DSCAM: variants seen among roughly 807,000 people sequenced by gnomAD.
DSCAM encodes cell adhesion molecule DSCAM.
Under a neutral mutation model 217.7 loss-of-function variants are expected in DSCAM, and 47 were observed. The ratio of observed to expected loss-of-function variants is 0.22; its 90% confidence interval spans 0.17 to 0.28. The LOEUF is 0.28. DSCAM is among the 10% of genes least tolerant of loss of function. The probability of loss-of-function intolerance (pLI) is 1.00; values close to 1 mark genes in which losing one functional copy is unlikely to be tolerated. For synonymous variants in DSCAM, 1,056 were observed against 1,015.3 expected, an observed-to-expected ratio of 1.04 and a Z score of -0.76; for missense variants, 2,080 against 2,618.3, an observed-to-expected ratio of 0.79 and a Z score of 4.49.
chr21:40,493,505 A>G (rs1287084188), intron 3 of DSCAM, among the ~76,000 whole-genome samples: 3 of 152,222 alleles, frequency 2.0e-5, no homozygotes, highest in Non-Finnish European at 2.9e-5. Context: ...ATTAAAAATA[A>G]TATTAGCTAC....
chr21:40,567,379 G>C (rs994867699), intron 3 of DSCAM, among the ~76,000 whole-genome samples: 5 of 152,208 alleles, frequency 3.3e-5, no homozygotes, highest in African/African-American at 1.2e-4. Flanking sequence ...GCCTGGTTTA[G>C]TGCTCAGGAC....
intron 32 of DSCAM, among the ~76,000 whole-genome samples, chr21:40,017,210 T>A (rs1262566583): frequency 6.6e-6 from 1 of 152,172 alleles, no homozygotes; most frequent in Admixed American, 6.5e-5. Context: ...TTTCAAAATG[T>A]TATTACCCGT....
intron 11 of DSCAM, among the ~76,000 whole-genome samples, chr21:40,271,719 A>T (rs1002626183): frequency 6.6e-6 from 1 of 152,180 alleles, no homozygotes; most frequent in Non-Finnish European, 1.5e-5. Flanking sequence ...TTTGCCCACA[A>T]GGAAATTCCT....
intron 17 of DSCAM, among the ~76,000 whole-genome samples, chr21:40,143,798 A>T (rs1175763283): frequency 1.3e-5 from 2 of 152,228 alleles, no homozygotes; most frequent in Non-Finnish European, 2.9e-5. Context: ...CTCAAAAAAA[A>T]ATCTATGATC....
chr21:40,669,985 C>A (rs1230265327), intron 3 of DSCAM, among the ~76,000 whole-genome samples: 3 of 151,432 alleles, frequency 2.0e-5, no homozygotes, highest in Non-Finnish European at 4.4e-5. Flanking sequence ...TCACACACAT[C>A]CTTTAAAAAA....
intron 20 of DSCAM, among the ~76,000 whole-genome samples, chr21:40,112,457 G>T (rs965616877): frequency 4.6e-5 from 7 of 152,060 alleles, no homozygotes; most frequent in African/African-American, 1.7e-4. Flanking sequence ...GCCCACAAGA[G>T]AAAGCAGGAA....
intron 1 of DSCAM, among the ~76,000 whole-genome samples, chr21:40,807,074 G>A (rs371757984): frequency 5.3e-5 from 8 of 152,012 alleles, no homozygotes; most frequent in African/African-American, 1.7e-4. Context: ...AAATCTGCAC[G>A]TTCTGCACAT....
At chr21:40,712,183 C>A (rs2090787175) in intron 1 of DSCAM, among the ~76,000 whole-genome samples, 1 of 152,186 alleles carries the variant, frequency 6.6e-6, no homozygotes, top group Admixed American at 6.5e-5. Context: ...CTAAGACTCT[C>A]AGGCTGTTAT....
At chr21:40,638,528 T>C (rs1308889504) in intron 3 of DSCAM, among the ~76,000 whole-genome samples, 1 of 152,172 alleles carries the variant, frequency 6.6e-6, no homozygotes, top group Non-Finnish European at 1.5e-5. Context: ...TTATAAAATT[T>C]AAATATAAGA....
At chr21:40,349,375 C>T (rs1026886045) in intron 5 of DSCAM, among the ~76,000 whole-genome samples, 2 of 151,730 alleles carry the variant, frequency 1.3e-5, no homozygotes, top group Non-Finnish European at 1.5e-5. Flanking sequence ...CAGAGTTTTT[C>T]TTTAAAATGG....
chr21:40,078,565 TA>T, intron 26 of DSCAM, 121 bp downstream of exon 26: 1 of 1,321,922 alleles, frequency 7.6e-7, no homozygotes. Flanking sequence ...CCCGAAAGCC[TA>T]ATGGGCTCCG....
intron 1 of DSCAM, among the ~76,000 whole-genome samples, 154 bp from the exon 2 acceptor site, chr21:40,708,925 G>A (rs1433298319): frequency 2.0e-5 from 3 of 152,152 alleles, no homozygotes; most frequent in East Asian, 1.9e-4. Flanking sequence ...AAAATGCTGT[G>A]AGCAGACAGG....
At chr21:40,406,487 T>C (rs1039478232) in intron 3 of DSCAM, among the ~76,000 whole-genome samples, 1 of 152,194 alleles carries the variant, frequency 6.6e-6, no homozygotes, top group South Asian at 2.1e-4. Flanking sequence ...AATCGTGCCA[T>C]TTGAAACAAC....
Position 40,012,413 on chromosome 21 carries a change from T to C in DSCAM, c.*621A>G, listed in dbSNP as rs970357581. 1.3e-5 allele frequency: 2 copies of C among 152,024 alleles called. No individual in the cohort carries two copies. Among genetic ancestry groups the C allele is most frequent in the Admixed American group, 6.6e-5 (1 of 15,242 alleles). 9.4% of individuals were successfully genotyped at this position (152,024 alleles called of 1,614,324 possible). ...AAGACGAGAGAAGCAGACATGGAAA[T>C]AAAGGCAGACAACCTTTTCTTTTTT... On this transcript the variant is annotated 3_prime_UTR_variant, in exon 33 of 33. Transcript: ENST00000400454.
At chr21:40,795,526 G>C (rs1262308508) in intron 1 of DSCAM, among the ~76,000 whole-genome samples, 1 of 152,132 alleles carries the variant, frequency 6.6e-6, no homozygotes, top group Non-Finnish European at 1.5e-5. Context: ...CAGTGAATGA[G>C]GGCGTCTATG....
rs910776617 is a variant in DSCAM, at chr21:40,321,004, G to A, written c.1784-8645C>T. On this transcript the variant is annotated intron_variant, in intron 8 of 32. Transcript: ENST00000400454. The stretch of plus-strand genomic sequence containing the variant: ...AGATCCCATGGCAAAAGTTAATGAG[G>A]GTGGATATCACATTCATTTGAAGAA... 2.6e-5 allele frequency among the ~76,000 whole-genome samples: 4 copies of A among 152,098 alleles called. 1 individual carries two copies. In the South Asian group the frequency reaches 6.2e-4, roughly 24 times the overall value.
intron 1 of DSCAM, among the ~76,000 whole-genome samples, chr21:40,808,806 G>A (rs2091811778): frequency 6.6e-6 from 1 of 152,114 alleles, no homozygotes; most frequent in African/African-American, 2.4e-5. Context: ...AGACTTTGGA[G>A]ATTACACATG....
chr21:40,533,265 T>TA (rs1264390746), intron 3 of DSCAM, among the ~76,000 whole-genome samples: 2 of 152,242 alleles, frequency 1.3e-5, no homozygotes, highest in East Asian at 3.8e-4. Context: ...TGAATGCATG[T>TA]AAGAATAATT....
intron 31 of DSCAM, among the ~76,000 whole-genome samples, chr21:40,042,939 G>A (rs955551007): frequency 1.4e-5 from 2 of 147,392 alleles, no homozygotes; most frequent in East Asian, 3.9e-4. Context: ...AATAAATAAC[G>A]CCTTCCCTTT....
Sources: gnomAD v4.1 joint callset for allele counts (sites outside exome capture counted in the v4.1 genomes callset) on GRCh38, gnomAD v4.1.1 for gene constraint, MANE v1.5 for transcripts, NCBI Gene and HGNC (gene_info 2026-07-23, HGNC 2026-07-21) for gene names.